The following DPYD variants were observed in gnomAD, a reference collection of about 807,000 sequenced individuals.
DPYD encodes dihydropyrimidine dehydrogenase [NADP(+)].
Under a neutral mutation model 116.2 loss-of-function variants are expected in DPYD, and 109 were observed. The ratio of observed to expected loss-of-function variants is 0.94; its 90% CI spans 0.80 to 1.10. The LOEUF is 1.10. Among genes scored for constraint, DPYD ranks in the 50% least tolerant of loss-of-function variants. The probability of loss-of-function intolerance (pLI) is 0.00; values close to 1 mark genes in which losing one functional copy is unlikely to be tolerated. For synonymous variants in DPYD, 440 were observed against 432.0 expected (o/e 1.02, Z -0.23); for missense variants, 1,302 against 1,254.5 (o/e 1.04, Z -0.57).
Position 97,623,805 on chromosome 1 carries a change from G to C in DPYD, c.851-28639C>G, listed in dbSNP as rs142241618. Among the ~76,000 whole-genome samples the C allele has an allele frequency of 6.5e-4, 99 of 152,024 alleles. 1 individual carries two copies. The East Asian group carries it at 0.017, about 26-fold the overall frequency. ...TAGACACATCAACCAAGGGAACAGA[G>C]TAGAGCATCCAGAAATAAACCCATG... On this transcript the variant is annotated intron_variant, in intron 8 of 22. Transcript: ENST00000370192.
chr1:97,174,503 A>G (rs1657109795), intron 20 of DPYD, among the ~76,000 whole-genome samples: 1 of 152,152 alleles, frequency 6.6e-6, no homozygotes, highest in African/African-American at 2.4e-5. Context: ...GCAGAGTGAA[A>G]TGCATTTGTT....
chr1:97,341,769 T>C (rs1669598179), intron 16 of DPYD, among the ~76,000 whole-genome samples: 2 of 152,200 alleles, frequency 1.3e-5, no homozygotes, highest in Admixed American at 6.5e-5. Flanking sequence ...GTTCTAGTCA[T>C]GCTAACAGTA....
intron 20 of DPYD, among the ~76,000 whole-genome samples, chr1:97,164,328 A>AGT (rs1656147398): frequency 6.6e-6 from 1 of 152,162 alleles, no homozygotes; most frequent in African/African-American, 2.4e-5. Flanking sequence ...TCATACTGAA[A>AGT]GGGCAAAAGC....
At chr1:97,669,590 G>T (rs1423212751) in intron 8 of DPYD, among the ~76,000 whole-genome samples, 1 of 152,038 alleles carries the variant, frequency 6.6e-6, no homozygotes, top group African/African-American at 2.4e-5. Context: ...TAAAAGCTTT[G>T]GTCTTGCTTT....
chr1:97,437,050 T>G (rs1675510051), intron 14 of DPYD, among the ~76,000 whole-genome samples: 1 of 151,730 alleles, frequency 6.6e-6, no homozygotes, highest in Non-Finnish European at 1.5e-5. Context: ...ATACAATAAA[T>G]TATACATACT....
intron 12 of DPYD, among the ~76,000 whole-genome samples, chr1:97,530,111 G>T (rs1173561909): frequency 6.6e-6 from 1 of 151,320 alleles, no homozygotes; most frequent in Non-Finnish European, 1.5e-5. Flanking sequence ...CATTTGGCAT[G>T]TCTTCCCGGT....
intron 18 of DPYD, among the ~76,000 whole-genome samples, chr1:97,270,258 A>G (rs1403645460): frequency 6.6e-6 from 1 of 152,208 alleles, no homozygotes; most frequent in Admixed American, 6.6e-5. Flanking sequence ...CCCAAAGGAA[A>G]GATATATGGT....
intron 16 of DPYD, among the ~76,000 whole-genome samples, chr1:97,359,761 G>A (rs1021648501): frequency 2.0e-5 from 3 of 152,196 alleles, no homozygotes; most frequent in Non-Finnish European, 2.9e-5. Flanking sequence ...CAAATGCTGA[G>A]AGATTTTGTC....
intron 13 of DPYD, among the ~76,000 whole-genome samples, chr1:97,503,708 A>G (rs1332857251): frequency 6.6e-6 from 1 of 151,938 alleles, no homozygotes; most frequent in Non-Finnish European, 1.5e-5. Flanking sequence ...TGCATGTTTA[A>G]TCACATCTTG....
At chr1:97,852,509 C>T (rs1175436744) in intron 2 of DPYD, among the ~76,000 whole-genome samples, 1 of 152,072 alleles carries the variant, frequency 6.6e-6, no homozygotes, top group African/African-American at 2.4e-5. Flanking sequence ...GAATCTATTA[C>T]AGTAATTCTT....
At chr1:97,481,581 G>A (rs1269797528) in intron 13 of DPYD, among the ~76,000 whole-genome samples, 1 of 152,088 alleles carries the variant, frequency 6.6e-6, no homozygotes, top group Non-Finnish European at 1.5e-5. Flanking sequence ...CATACTCTGA[G>A]AATTACACAG....
chr1:97,548,320 G>A lies in DPYD; in HGVS notation c.1524+1240C>T, dbSNP rs1048178096. On this transcript the variant is annotated intron_variant, in intron 12 of 22. Transcript: ENST00000370192. ...ATTTAGTCGGAAAGTAAGCTACTGA[G>A]ATCTGGTAGTTACACTTTTCTTCCT... 4.6e-5 allele frequency among the ~76,000 whole-genome samples: 7 copies of A among 152,350 alleles called. No homozygotes were observed. In the East Asian group the frequency reaches 1.3e-3, roughly 29 times the overall value.
At chr1:97,093,190 ATC>A (rs1650009068) in intron 21 of DPYD, among the ~76,000 whole-genome samples, 1 of 152,176 alleles carries the variant, frequency 6.6e-6, no homozygotes. Context: ...ATTCCTTAAT[ATC>A]TGTCTCTTTC....
At chr1:97,081,321 TAGCTTG>T (rs1395907855) in intron 22 of DPYD, among the ~76,000 whole-genome samples, 2 of 152,036 alleles carry the variant, frequency 1.3e-5, no homozygotes, top group Non-Finnish European at 2.9e-5. Context: ...TTTTTACTTA[TAGCTTG>T]AAAAATATAA....
At chr1:97,801,781 T>C (rs1328187455) in intron 3 of DPYD, among the ~76,000 whole-genome samples, 1 of 151,876 alleles carries the variant, frequency 6.6e-6, no homozygotes, top group African/African-American at 2.4e-5. Context: ...ATGGTTTGCC[T>C]CCTCTCCCTT....
At chr1:97,680,020 A>T (rs1660351032) in intron 7 of DPYD, among the ~76,000 whole-genome samples, 1 of 152,166 alleles carries the variant, frequency 6.6e-6, no homozygotes, top group Non-Finnish European at 1.5e-5. Context: ...TTGGAAACAT[A>T]AGAGTGGGTA....
At chr1:97,213,539 T>A (rs1660183517) in intron 19 of DPYD, among the ~76,000 whole-genome samples, 1 of 152,146 alleles carries the variant, frequency 6.6e-6, no homozygotes, top group African/African-American at 2.4e-5. Context: ...GAAAATCAAA[T>A]CACAGATTTT....
intron 3 of DPYD, among the ~76,000 whole-genome samples, chr1:97,783,736 GAGGTC>G (rs1463085121): frequency 6.6e-6 from 1 of 152,158 alleles, no homozygotes; most frequent in African/African-American, 2.4e-5. Flanking sequence ...TCATTTACCA[GAGGTC>G]ATGAAACTGG....
chr1:97,192,838 T>C (rs1029129005), intron 20 of DPYD, among the ~76,000 whole-genome samples: 2 of 152,172 alleles, frequency 1.3e-5, no homozygotes, highest in Non-Finnish European at 2.9e-5. Context: ...ACTGCAAACA[T>C]CGGTCTTTTC....
Sources: gnomAD v4.1 joint callset for allele counts (sites outside exome capture counted in the v4.1 genomes callset) on GRCh38, gnomAD v4.1.1 for gene constraint, MANE v1.5 for transcripts, NCBI Gene and HGNC (gene_info 2026-07-23, HGNC 2026-07-21) for gene names.